Variants in NUDT3 observed in about 807,000 individuals in gnomAD.
NUDT3 encodes the protein diphosphoinositol polyphosphate phosphohydrolase 1.
Under a neutral mutation model 23.6 loss-of-function variants are expected in NUDT3, and 9 were observed. The observed-to-expected ratio is 0.38, with a 90% CI of 0.23 to 0.66. NUDT3 has a LOEUF of 0.66. NUDT3 is among the 30% of genes least tolerant of loss of function. The pLI is 0.52. For missense variants in NUDT3, 172 were observed against 218.5 expected, an observed-to-expected ratio of 0.79 and a Z score of 1.34; for synonymous variants, 86 against 82.6, an observed-to-expected ratio of 1.04 and a Z score of -0.22.
intron 1 of NUDT3, among the ~76,000 whole-genome samples, chr6:34,351,994 A>G (rs1764486441): frequency 6.6e-6 from 1 of 152,106 alleles, no homozygotes; most frequent in Non-Finnish European, 1.5e-5. Flanking sequence ...CAGGAGTTCA[A>G]GACCCACATG....
chr6:34,360,160 G>A (rs1764626265), intron 1 of NUDT3, among the ~76,000 whole-genome samples: 2 of 146,682 alleles, frequency 1.4e-5, no homozygotes, highest in Non-Finnish European at 3.0e-5. Context: ...GCCTGGGGAG[G>A]TTGAAGCTGC....
chr6:34,288,543 C>T lies in NUDT3; in HGVS notation c.*210G>A, dbSNP rs115280190. 876 of 619,830 alleles carry T rather than the reference C, an allele frequency of 1.4e-3. 1 individual carries two copies. The highest frequency in any genetic ancestry group is 0.011 in the African/African-American group (576 of 52,414). 38.4% of individuals were successfully genotyped at this position (619,830 alleles called of 1,614,324 possible). ...TGCACAAAAGTACTTACAAATTACA[C>T]ACCCAACCCCCACCCTCAATAAAAA... On this transcript the variant is annotated 3_prime_UTR_variant, in exon 5 of 5. Coordinates refer to ENST00000607016, the MANE Select transcript of NUDT3 (RefSeq NM_006703.4).
At chr6:34,355,978 T>A (rs1238050934) in intron 1 of NUDT3, among the ~76,000 whole-genome samples, 3 of 152,082 alleles carry the variant, frequency 2.0e-5, no homozygotes, top group Non-Finnish European at 4.4e-5. Flanking sequence ...AATAAACCAG[T>A]AAACATAAGA....
intron 1 of NUDT3, among the ~76,000 whole-genome samples, chr6:34,355,125 C>A (rs556306587): frequency 1.2e-4 from 18 of 152,182 alleles, no homozygotes; most frequent in African/African-American, 4.1e-4. Context: ...GGAATGTATT[C>A]ATTATTTCAA....
chr6:34,303,708 TCATAAATGACAATTTACTG>T (rs1763634067), intron 2 of NUDT3, among the ~76,000 whole-genome samples: 1 of 152,212 alleles, frequency 6.6e-6, no homozygotes, highest in Non-Finnish European at 1.5e-5. Flanking sequence ...AAATTCTCAT[TCATAAATGACAATTTACTG>T]TTCTTTTCTA....
chr6:34,358,328 T>G (rs900135073), intron 1 of NUDT3, among the ~76,000 whole-genome samples: 2 of 152,062 alleles, frequency 1.3e-5, no homozygotes, highest in Non-Finnish European at 2.9e-5. Context: ...GTTGAATTTA[T>G]AGATTAATTT....
rs549989161 is a variant in NUDT3 at position 34,331,045 on chromosome 6, G to C, written c.210+10817C>G. Among the ~76,000 whole-genome samples the C allele has an allele frequency of 7.9e-5, 12 of 152,226 alleles. No homozygotes were observed. In the South Asian group the frequency reaches 2.5e-3, roughly 32 times the overall value. On this transcript the variant is annotated intron_variant, in intron 2 of 4. Transcript: ENST00000607016. ...AATTTTTGTACTTTTAGTAGAGATG[G>C]GGTTTCACCATATTGGCCAGGCTAG...
intron 1 of NUDT3, among the ~76,000 whole-genome samples, chr6:34,362,691 A>G (rs548972564): frequency 4.1e-4 from 62 of 152,174 alleles, no homozygotes; most frequent in African/African-American, 1.5e-3. Context: ...CCTGACTTCA[A>G]GTGATCCCCC....
chr6:34,334,874 A>C (rs1199603975), intron 2 of NUDT3, among the ~76,000 whole-genome samples: 2 of 151,806 alleles, frequency 1.3e-5, no homozygotes, highest in Non-Finnish European at 2.9e-5. Context: ...TTGAGGTTAC[A>C]GTGAACTATG....
chr6:34,288,982 A>G, intron 4 of NUDT3, 51 bp from the exon 5 acceptor site: 1 of 1,508,672 alleles, frequency 6.6e-7, no homozygotes, highest in Non-Finnish European at 8.8e-7. Flanking sequence ...AAGGTTTCTG[A>G]GCCTAGAACT....
intron 1 of NUDT3, among the ~76,000 whole-genome samples, chr6:34,364,146 T>C (rs898330365): frequency 3.9e-5 from 6 of 152,198 alleles, no homozygotes; most frequent in South Asian, 2.1e-4. Flanking sequence ...ACTATTATAT[T>C]ACAAGGGCTG....
At chr6:34,339,675 G>C (rs376589191) in intron 2 of NUDT3, among the ~76,000 whole-genome samples, 1 of 152,220 alleles carries the variant, frequency 6.6e-6, no homozygotes, top group Non-Finnish European at 1.5e-5. Context: ...ATTTGTTTAT[G>C]TATTGTACTG....
intron 1 of NUDT3, among the ~76,000 whole-genome samples, chr6:34,359,007 C>T (rs1764605403): frequency 6.6e-6 from 1 of 152,140 alleles, no homozygotes; most frequent in Non-Finnish European, 1.5e-5. Flanking sequence ...CTGGAAATAA[C>T]ATTTACTCAA....
chr6:34,318,383 C>A (rs1473303258), intron 2 of NUDT3, among the ~76,000 whole-genome samples: 1 of 152,146 alleles, frequency 6.6e-6, no homozygotes, highest in African/African-American at 2.4e-5. Context: ...GAGGTAATCA[C>A]TCTAATCAGT....
At position 34,288,562 on chromosome 6, in the gene NUDT3, A is replaced by G; in HGVS notation, c.*191T>C. The G allele has an allele frequency of 4.0e-6, 3 of 749,400 alleles. No individual in the cohort carries two copies. In the South Asian group the frequency reaches 6.3e-5, roughly 16 times the overall value. 46.4% of individuals were successfully genotyped at this position (749,400 alleles called of 1,614,324 possible). A position where few individuals can be genotyped will look rare whatever the true frequency, so the allele number is the denominator to read the frequency against. ...ATTACACACCCAACCCCCACCCTCA[A>G]TAAAAACAGAAGAAAAAGCCCCATC... On this transcript the variant is annotated 3_prime_UTR_variant, in exon 5 of 5. Coordinates refer to ENST00000607016, the MANE Select transcript of NUDT3 (RefSeq NM_006703.4).
chr6:34,373,834 T>C (rs1422727028), intron 1 of NUDT3, among the ~76,000 whole-genome samples: 2 of 152,192 alleles, frequency 1.3e-5, no homozygotes, highest in African/African-American at 4.8e-5. Context: ...TTTTAAATAC[T>C]GGTACTGGGA....
chr6:34,296,993 G>C (rs1318177993), intron 2 of NUDT3, among the ~76,000 whole-genome samples: 1 of 149,140 alleles, frequency 6.7e-6, no homozygotes, highest in Non-Finnish European at 1.5e-5. Flanking sequence ...GTGCAGTGGT[G>C]TGATTTTGGC....
chr6:34,355,903 C>T (rs191266676), intron 1 of NUDT3, among the ~76,000 whole-genome samples: 11 of 152,262 alleles, frequency 7.2e-5, no homozygotes, highest in Admixed American at 4.6e-4. Flanking sequence ...CATGGAAGCT[C>T]GGTCCCCTTC....
At chr6:34,312,890 G>C (rs181303635) in intron 2 of NUDT3, among the ~76,000 whole-genome samples, 2 of 152,210 alleles carry the variant, frequency 1.3e-5, no homozygotes, top group Admixed American at 6.5e-5. Context: ...GAGAGGGCCA[G>C]GCATGGTGGC....
Sources: allele counts gnomAD v4.1 joint callset (sites outside exome capture counted in the v4.1 genomes callset), GRCh38; gene constraint gnomAD v4.1.1; transcripts MANE v1.5; gene names NCBI Gene and HGNC (gene_info 2026-07-23, HGNC 2026-07-21).